OBSL1: variants seen among roughly 807,000 people sequenced by gnomAD.
The protein encoded by OBSL1 is obscurin-like protein 1.
In OBSL1, 160 loss-of-function variants were observed where a neutral mutation model predicts 172.0. That is an observed-to-expected ratio of 0.93 (90% CI 0.82 to 1.06). OBSL1 has a LOEUF of 1.06. OBSL1 is among the 50% of genes least tolerant of loss of function. OBSL1 has a pLI of 0.00. For synonymous variants in OBSL1, 1,200 were observed against 1,196.3 expected (o/e 1.00, Z -0.06); for missense variants, 2,681 against 2,715.4 (o/e 0.99, Z 0.28).
Position 219,570,581 on chromosome 2 carries a change from C to A in OBSL1, c.652G>T (p.Ala218Ser). ...VCHARNAHGH[A>S]QAGALLQVHQ... ...ACCTGGAGCAGCGCCCCCGCCTGCG[C>A]GTGGCCGTGCGCGTTGCGGGCGTGG... Residue 218 changes from alanine (A) to serine (S), a missense_variant, in exon 1 of 21, where the codon GCG (alanine) becomes TCG (serine). Physicochemically the swap from Ala to Ser is moderately conservative, Grantham distance 99. Transcript: ENST00000404537. The A allele has an allele frequency of 1.3e-6, 2 of 1,526,860 alleles. No individual in the cohort carries two copies. Among genetic ancestry groups the A allele is most frequent in the Non-Finnish European group, 1.8e-6 (2 of 1,140,558 alleles). The allele number at this position is 1,526,860 out of a possible 1,614,324, so 94.6% of individuals were successfully genotyped here. A position where few individuals can be genotyped will look rare whatever the true frequency, so the allele number is the denominator to read the frequency against.
chr2:219,548,956 T>C (rs1320402479), downstream of OBSL1: 3 of 608,032 alleles, frequency 4.9e-6, no homozygotes, highest in South Asian at 4.1e-5. Context: ...TAAAGACCTA[T>C]GGAAGAAAAG....
downstream of OBSL1, chr2:219,550,712 C>G: frequency 7.4e-7 from 1 of 1,348,972 alleles, no homozygotes; most frequent in South Asian, 1.3e-5. Context: ...CCACATCACT[C>G]AGAGAGGCAA....
intron 14 of OBSL1, chr2:219,555,689 G>A: frequency 8.8e-7 from 1 of 1,136,222 alleles, no homozygotes. Flanking sequence ...CTGTTTGACA[G>A]CCATCCCTGC....
chr2:219,553,167 G>A lies in OBSL1; in HGVS notation c.4990-143C>T, dbSNP rs1487500109. 32 of 1,207,444 alleles carry A rather than the reference G, an allele frequency of 2.7e-5. No homozygotes were observed. In the Admixed American group the frequency reaches 9.9e-4, roughly 37 times the overall value. The allele number at this position is 1,207,444 out of a possible 1,614,324, so 74.8% of individuals were successfully genotyped here. ...GTCTCGTGTTCCCAGGCTGGGGTCG[G>A]ACTGTCCCCAAGCCTTTGGGGTCGT... On this transcript the variant is annotated intron_variant, in intron 16 of 20. Transcript: ENST00000404537.
At chr2:219,561,893 G>A in intron 8 of OBSL1, 1 of 717,472 alleles carries the variant, frequency 1.4e-6, no homozygotes, top group South Asian at 1.5e-5. Flanking sequence ...GCTACTCAGT[G>A]CCAGCTGTTC....
Position 219,562,054 on chromosome 2 carries a change from GACT to G in OBSL1, c.2953+345_2953+347del, listed in dbSNP as rs1415260905. ...ATGTGTGGAATGCGCAGGGCCCCAG[GACT>G]ACCCGTTTGCGACCCCTGGTTAACA... On this transcript the variant is annotated intron_variant, in intron 8 of 20. Coordinates refer to ENST00000404537, the MANE Select transcript of OBSL1 (RefSeq NM_015311.3). 8.4e-6 allele frequency: 6 copies of G among 711,476 alleles called. No individual in the cohort carries two copies. In the African/African-American group the frequency reaches 1.1e-4, roughly 12 times the overall value. The allele number at this position is 711,476 out of a possible 1,614,324, so 44.1% of individuals were successfully genotyped here.
rs1220615291 is a variant in OBSL1 at position 219,558,270 on chromosome 2, G to A, written c.3416C>T (p.Thr1139Ile). Residue 1139 changes from threonine (T) to isoleucine (I), a missense_variant, in exon 10 of 21, where the codon ACC (threonine) becomes ATC (isoleucine). Coordinates refer to ENST00000404537, the MANE Select transcript of OBSL1 (RefSeq NM_015311.3). ...LGAEGPTRTLTLPHAQPEDAG... is the reference protein window; with the variant it reads ...LGAEGPTRTLILPHAQPEDAG... ...GTCCTCAGGCTGGGCGTGGGGCAGG[G>A]TCAGGGTGCGGGTGGGCCCCTCGGC... 3 of 1,611,114 alleles carry A rather than the reference G, an allele frequency of 1.9e-6. No homozygotes were observed. Among genetic ancestry groups the A allele is most frequent in the Non-Finnish European group, 1.7e-6 (2 of 1,178,820 alleles).
chr2:219,552,221 G>A lies in OBSL1; in HGVS notation c.5309-5C>T, dbSNP rs995016643. 1.4e-5 allele frequency: 23 copies of A among 1,589,116 alleles called. No homozygotes were observed. The highest frequency in any genetic ancestry group is 1.5e-5 in the Non-Finnish European group (18 of 1,168,526). ...GCACCAGAATGTGTTTCTTCCCTGG[G>A]GGTGAGGGGGTCGCTAGCGAGGCCG... On this transcript the variant is annotated splice_region_variant and splice_polypyrimidine_tract_variant and intron_variant, in intron 18 of 20. Coordinates refer to ENST00000404537, the MANE Select transcript of OBSL1 (RefSeq NM_015311.3).
intron 8 of OBSL1, among the ~76,000 whole-genome samples, chr2:219,561,301 C>A (rs1329472534): frequency 6.6e-6 from 1 of 152,110 alleles, no homozygotes; most frequent in Non-Finnish European, 1.5e-5. Flanking sequence ...CCTATGGACC[C>A]CCAGCCCCAG....
downstream of OBSL1, chr2:219,549,178 G>A (rs201921356): frequency 5.9e-5 from 96 of 1,613,854 alleles, no homozygotes; most frequent in East Asian, 4.5e-5. Flanking sequence ...GCGCCGACGC[G>A]TGCAACTGAT....
At chr2:219,556,866 G>T in intron 12 of OBSL1, 143 bp from the exon 13 acceptor site, 2 of 896,808 alleles carry the variant, frequency 2.2e-6, no homozygotes, top group Non-Finnish European at 1.7e-6. Flanking sequence ...CACACCGATG[G>T]CCCAAAGGAC....
rs1559138963 is a variant in OBSL1, at chr2:219,557,327, A to T, written c.4066+16T>A. 1 of 1,468,980 alleles carries T rather than the reference A, an allele frequency of 6.8e-7. No homozygotes were observed. Among genetic ancestry groups the T allele is most frequent in the Admixed American group, 2.3e-5 (1 of 43,450 alleles). The allele number at this position is 1,468,980 out of a possible 1,614,324, so 91.0% of individuals were successfully genotyped here. ...GGGGTGCCACAGCCCACAGGGTGTG[A>T]GGGGTACACTGTTACCTTCCACGCT... On this transcript the variant is annotated intron_variant, in intron 12 of 20. Transcript: ENST00000404537.
At chr2:219,555,745 G>A in intron 14 of OBSL1, 14 of 1,339,934 alleles carry the variant, frequency 1.0e-5, no homozygotes, top group East Asian at 2.9e-5. Flanking sequence ...CCTGAAGGAT[G>A]CCCATGGCAA....
chr2:219,552,720 A>G (rs1695722583), intron 17 of OBSL1, 23 bp from the exon 18 acceptor site: 9 of 1,514,424 alleles, frequency 5.9e-6, no homozygotes, highest in Non-Finnish European at 2.7e-6. Flanking sequence ...CCGGGGCGTG[A>G]GCGGGGCGGG....
chr2:219,568,298 G>T lies in OBSL1; in HGVS notation c.1039C>A (p.Leu347Met), dbSNP rs1212333264. ...KEPRLRFTRPLQDVEGREHGI... is the reference protein window; with the variant it reads ...KEPRLRFTRPMQDVEGREHGI... ...TGCTCACGGCCCTCCACGTCCTGCA[G>T]GGGCCGTGTGAACCGGAGGCGGGGC... The change falls in exon 2 of 21, where the codon CTG becomes ATG. Residue 347 changes from leucine (L) to methionine (M), a missense_variant. By Grantham distance (15) the Leu-to-Met change is conservative. Coordinates refer to ENST00000404537, the MANE Select transcript of OBSL1 (RefSeq NM_015311.3). This position sits in a 1 kb window ranked among gnomAD's most constrained non-coding sequence, Gnocchi z 4.1. 3 of 1,607,364 alleles carry T rather than the reference G, an allele frequency of 1.9e-6. No individual in the cohort carries two copies. The highest frequency in any genetic ancestry group is 1.7e-6 in the Non-Finnish European group (2 of 1,177,134).
At position 219,567,978 on chromosome 2, in the gene OBSL1, C is replaced by T. The variant is rs376967214; in HGVS notation, c.1283-9G>A. 3.5e-5 allele frequency: 56 copies of T among 1,612,344 alleles called. No homozygotes were observed. In the African/African-American group the frequency reaches 6.0e-4, roughly 17 times the overall value. Reference sequence around the variant, plus strand: ...GCGCTTCAGGATGGGCCCTGAGATGCGGACAGGAATCCATCAACCTGGAAT... The same window carrying T: ...GCGCTTCAGGATGGGCCCTGAGATGTGGACAGGAATCCATCAACCTGGAAT... On this transcript the variant is annotated splice_polypyrimidine_tract_variant and intron_variant, in intron 2 of 20. Coordinates refer to ENST00000404537, the MANE Select transcript of OBSL1 (RefSeq NM_015311.3).
Position 219,567,816 on chromosome 2 carries a change from A to G in OBSL1, c.1436T>C (p.Met479Thr). The G allele has an allele frequency of 6.2e-7, 1 of 1,613,932 alleles. No individual in the cohort carries two copies. The highest frequency in any genetic ancestry group is 1.3e-5 in the African/African-American group (1 of 75,052). Residue 479 changes from methionine (M) to threonine (T), a missense_variant, in exon 3 of 21, where the codon ATG (methionine) becomes ACG (threonine). Coordinates refer to ENST00000404537, the MANE Select transcript of OBSL1 (RefSeq NM_015311.3). Reference protein sequence around the residue: ...PVICQSSSGHMHALVLPGVTR... With the variant: ...PVICQSSSGHTHALVLPGVTR... ...GACCCCTGGAAGGACCAGGGCATGC[A>G]TGTGGCCTGAGCTGCTCTGGCAGAT... is the stretch of plus-strand genomic sequence containing the variant.
intron 20 of OBSL1, 191 bp from the exon 21 acceptor site, chr2:219,551,033 C>A: frequency 6.9e-7 from 1 of 1,446,012 alleles, no homozygotes. Context: ...CACAGCGCGG[C>A]ACCTGAAGGG....
chr2:219,563,177 A>G, intron 7 of OBSL1, 178 bp downstream of exon 7: 1 of 635,878 alleles, frequency 1.6e-6, no homozygotes, highest in Non-Finnish European at 2.7e-6. Flanking sequence ...TGCTTATGAT[A>G]ACACGTTTCC....
Sources: allele counts gnomAD v4.1 joint callset (sites outside exome capture counted in the v4.1 genomes callset), GRCh38; gene constraint gnomAD v4.1.1; non-coding constraint Gnocchi (gnomAD v3.1); transcripts MANE v1.5; gene names NCBI Gene and HGNC (gene_info 2026-07-23, HGNC 2026-07-21).